CACNA2D3: variants seen among roughly 807,000 people sequenced by gnomAD.
The protein encoded by CACNA2D3 is calcium voltage-gated channel auxiliary subunit alpha2delta 3, also known as voltage-dependent calcium channel subunit alpha-2/delta-3.
A neutral mutation model predicts 160.6 loss-of-function variants in CACNA2D3; 60 were observed. The observed-to-expected ratio is 0.37, with a 90% CI of 0.30 to 0.46. CACNA2D3 has a LOEUF of 0.46. Among genes scored for constraint, CACNA2D3 ranks in the 20% least tolerant of loss-of-function variants. The pLI, the probability that CACNA2D3 is intolerant of heterozygous loss-of-function variation, is 1.00. For synonymous variants in CACNA2D3, 558 were observed against 492.9 expected, an observed-to-expected ratio of 1.13 and a Z score of -1.75; for missense variants, 1,205 against 1,365.0, an observed-to-expected ratio of 0.88 and a Z score of 1.85.
At chr3:54,742,663 A>G (rs1346620779) in intron 11 of CACNA2D3, among the ~76,000 whole-genome samples, 1 of 152,150 alleles carries the variant, frequency 6.6e-6, no homozygotes. Flanking sequence ...TTGGAATAGC[A>G]ACCATCACAT....
At position 55,019,542 on chromosome 3, in the gene CACNA2D3, C is replaced by G. The variant is rs142726749; in HGVS notation, c.2987+1225C>G. Among the ~76,000 whole-genome samples, 150 of 152,132 alleles carry G rather than the reference C, an allele frequency of 9.9e-4. 1 individual carries two copies. Among genetic ancestry groups the G allele is most frequent in the Middle Eastern group, 6.8e-3 (2 of 294 alleles). On this transcript the variant is annotated intron_variant, in intron 35 of 37. Transcript: ENST00000474759. ...TTTCTTCTATCATAAATAGTATATA[C>G]TTAAAACTACTTTTCTAATTTGAAA...
intron 13 of CACNA2D3, among the ~76,000 whole-genome samples, chr3:54,812,949 G>A (rs556374574): frequency 6.4e-4 from 98 of 152,278 alleles, no homozygotes; most frequent in African/African-American, 2.3e-3. Context: ...CCTGGTTTAA[G>A]GAAAAAGTCC....
intron 13 of CACNA2D3, among the ~76,000 whole-genome samples, chr3:54,796,105 G>T (rs1449404553): frequency 6.6e-6 from 1 of 152,144 alleles, no homozygotes; most frequent in East Asian, 1.9e-4. Flanking sequence ...GGAGAACAAA[G>T]CTCTTTGCTA....
intron 11 of CACNA2D3, among the ~76,000 whole-genome samples, chr3:54,654,219 C>T (rs1156524241): frequency 6.6e-6 from 1 of 151,982 alleles, no homozygotes; most frequent in Non-Finnish European, 1.5e-5. Flanking sequence ...TTCGTGGGCT[C>T]CATTTTCTGC....
At chr3:54,169,642 T>G (rs1054298559) in intron 2 of CACNA2D3, among the ~76,000 whole-genome samples, 1 of 151,952 alleles carries the variant, frequency 6.6e-6, no homozygotes, top group African/African-American at 2.4e-5. Context: ...TGTGCATGTA[T>G]GCAAACGTGC....
At chr3:54,969,652 A>C in intron 28 of CACNA2D3, 148 bp from the exon 29 acceptor site, 1 of 626,816 alleles carries the variant, frequency 1.6e-6, no homozygotes, top group Non-Finnish European at 2.9e-6. Context: ...CACATCATGG[A>C]GCATTCCTTT....
intron 27 of CACNA2D3, among the ~76,000 whole-genome samples, chr3:54,910,895 T>C (rs1192332708): frequency 6.6e-6 from 1 of 152,236 alleles, no homozygotes; most frequent in Non-Finnish European, 1.5e-5. Flanking sequence ...GTGATTCATT[T>C]ATTTTTTTAA....
At chr3:54,215,547 T>C (rs772580966) in intron 2 of CACNA2D3, among the ~76,000 whole-genome samples, 4 of 152,202 alleles carry the variant, frequency 2.6e-5, no homozygotes, top group Non-Finnish European at 5.9e-5. Flanking sequence ...GAAGCCAAGA[T>C]CTAGCTTGTC....
At chr3:54,818,523 A>G (rs1371976030) in intron 14 of CACNA2D3, among the ~76,000 whole-genome samples, 1 of 152,240 alleles carries the variant, frequency 6.6e-6, no homozygotes, top group Non-Finnish European at 1.5e-5. Flanking sequence ...CACAGAATAC[A>G]GAAGAACAAA....
At chr3:54,551,749 T>G (rs1020871151) in intron 5 of CACNA2D3, among the ~76,000 whole-genome samples, 1 of 152,198 alleles carries the variant, frequency 6.6e-6, no homozygotes, top group Admixed American at 6.5e-5. Context: ...ATGCTTGAGT[T>G]CCAAAGAGCT....
At chr3:54,890,759 C>T (rs1173797001) in intron 24 of CACNA2D3, among the ~76,000 whole-genome samples, 3 of 152,168 alleles carry the variant, frequency 2.0e-5, no homozygotes, top group Non-Finnish European at 2.9e-5. Flanking sequence ...TTACACATCT[C>T]TTTGGGGTTG....
intron 31 of CACNA2D3, among the ~76,000 whole-genome samples, chr3:54,988,964 G>T (rs1452151612): frequency 6.6e-6 from 1 of 152,186 alleles, no homozygotes; most frequent in East Asian, 1.9e-4. Context: ...TTTCTTCTTT[G>T]CTGGGAGTCA....
chr3:54,559,647 A>G (rs915389197), intron 5 of CACNA2D3, among the ~76,000 whole-genome samples: 1 of 152,106 alleles, frequency 6.6e-6, no homozygotes, highest in Non-Finnish European at 1.5e-5. Flanking sequence ...ATATAGACAC[A>G]CTTGTGTCAT....
At chr3:54,597,048 A>G (rs957217618) in intron 9 of CACNA2D3, among the ~76,000 whole-genome samples, 2 of 152,166 alleles carry the variant, frequency 1.3e-5, no homozygotes, top group African/African-American at 2.4e-5. Flanking sequence ...CTCTCCATAG[A>G]TAGCATTGAA....
intron 35 of CACNA2D3, among the ~76,000 whole-genome samples, chr3:55,069,028 T>C (rs967813203): frequency 6.6e-6 from 1 of 152,222 alleles, no homozygotes; most frequent in Non-Finnish European, 1.5e-5. Context: ...TAGACTTAAA[T>C]TTTTACCCAT....
At chr3:54,799,534 C>T (rs1702938225) in intron 13 of CACNA2D3, among the ~76,000 whole-genome samples, 1 of 152,180 alleles carries the variant, frequency 6.6e-6, no homozygotes, top group South Asian at 2.1e-4. Flanking sequence ...TTTGTCAGCT[C>T]TCTGCAGGTT....
At chr3:54,961,201 A>T (rs1414024947) in intron 27 of CACNA2D3, among the ~76,000 whole-genome samples, 2 of 152,244 alleles carry the variant, frequency 1.3e-5, no homozygotes, top group Non-Finnish European at 2.9e-5. Context: ...GCCATGGTGC[A>T]CAAAGAAATA....
chr3:54,500,512 C>CCTTCCTATCTTCCTTCCTTCCTAT (rs779098749), intron 4 of CACNA2D3, among the ~76,000 whole-genome samples: 3 of 114,410 alleles, frequency 2.6e-5, no homozygotes, highest in Non-Finnish European at 1.9e-5. Context: ...TATCTTCCTT[C>CCTTCCTATCTTCCTTCCTTCCTAT]CTTCCTTCCT....
At chr3:55,041,603 C>CT (rs1328382439) in intron 35 of CACNA2D3, among the ~76,000 whole-genome samples, 3 of 151,816 alleles carry the variant, frequency 2.0e-5, no homozygotes, top group African/African-American at 4.8e-5. Flanking sequence ...CTTTTATTTG[C>CT]TTTTTTCAAA....
Sources: allele counts gnomAD v4.1 joint callset (sites outside exome capture counted in the v4.1 genomes callset), GRCh38; gene constraint gnomAD v4.1.1; transcripts MANE v1.5; gene names NCBI Gene and HGNC (gene_info 2026-07-23, HGNC 2026-07-21).